Variants in MAGI1 observed in about 807,000 individuals in gnomAD.
The protein encoded by MAGI1 is membrane-associated guanylate kinase, WW and PDZ domain-containing protein 1.
In MAGI1, 58 loss-of-function variants were observed where a neutral mutation model predicts 139.9. The ratio of observed to expected loss-of-function variants is 0.41; its 90% CI spans 0.34 to 0.52. MAGI1 has a LOEUF of 0.52. MAGI1 is among the 20% of genes least tolerant of loss of function. The pLI is 0.12. For missense variants in MAGI1, 1,874 were observed against 1,901.6 expected (o/e 0.99, Z 0.27); for synonymous variants, 812 against 737.9 (o/e 1.10, Z -1.63).
chr3:65,933,061 T>C (rs771095185), intron 1 of MAGI1, among the ~76,000 whole-genome samples: 1 of 152,246 alleles, frequency 6.6e-6, no homozygotes, highest in African/African-American at 2.4e-5. Flanking sequence ...AGCTTACAGT[T>C]ATACTTGTTT....
At chr3:65,995,012 GC>G in intron 1 of MAGI1, among the ~76,000 whole-genome samples, 1 of 152,134 alleles carries the variant, frequency 6.6e-6, no homozygotes, top group East Asian at 1.9e-4. Context: ...GTGGTCAGGT[GC>G]TAAACCTGAG....
intron 1 of MAGI1, among the ~76,000 whole-genome samples, chr3:65,891,890 AT>A (rs2060771913): frequency 7.7e-4 from 1 of 1,304 alleles, no homozygotes. Flanking sequence ...AGTATAATAT[AT>A]ATATATATAT....
chr3:65,358,452 G>A (rs1203881482), intron 22 of MAGI1, among the ~76,000 whole-genome samples: 1 of 152,074 alleles, frequency 6.6e-6, no homozygotes, highest in African/African-American at 2.4e-5. Context: ...ACCTAGAGTG[G>A]GTTTTTAACA....
chr3:65,790,287 C>T (rs1346590050), intron 1 of MAGI1, among the ~76,000 whole-genome samples: 3 of 152,172 alleles, frequency 2.0e-5, no homozygotes, highest in Non-Finnish European at 4.4e-5. Flanking sequence ...ATTTGTTTGA[C>T]CTTCTGATCC....
chr3:65,530,707 ACACGTG>A (rs1219904354), intron 2 of MAGI1, among the ~76,000 whole-genome samples: 6 of 141,118 alleles, frequency 4.3e-5, no homozygotes, highest in Admixed American at 1.5e-4. Context: ...ATACACATAT[ACACGTG>A]TATATATATA....
At chr3:65,556,689 C>T (rs1049295966) in intron 2 of MAGI1, among the ~76,000 whole-genome samples, 1 of 152,230 alleles carries the variant, frequency 6.6e-6, no homozygotes, top group Non-Finnish European at 1.5e-5. Flanking sequence ...AGCTTTCAAG[C>T]TGGCTTTCCT....
At position 65,439,928 on chromosome 3, in the gene MAGI1, T is replaced by TTGCTGCTGCTGC; in HGVS notation, c.1209_1220dup (p.Gln418_Gln421dup). The TTGCTGCTGCTGC allele has an allele frequency of 1.2e-5, 19 of 1,604,496 alleles. No individual in the cohort carries two copies. Among genetic ancestry groups the TTGCTGCTGCTGC allele is most frequent in the South Asian group, 2.2e-5 (2 of 90,630 alleles). On this transcript the variant is annotated inframe_insertion, in exon 9 of 23. Coordinates refer to ENST00000402939, the MANE Select transcript of MAGI1 (RefSeq NM_001033057.2). ...GCTGCTGCTGCTGTTGCTGCTGCTG[T>TTGCTGCTGCTGC]TGCTGCTGCTGCTGCTGCTCAAGCT...
intron 1 of MAGI1, among the ~76,000 whole-genome samples, chr3:65,845,355 C>A (rs899233462): frequency 6.6e-6 from 1 of 152,026 alleles, no homozygotes; most frequent in African/African-American, 2.4e-5. Flanking sequence ...TGGAGTAACG[C>A]TGAACTTGCT....
chr3:65,630,346 A>C (rs1379246584), intron 1 of MAGI1, among the ~76,000 whole-genome samples: 3 of 152,120 alleles, frequency 2.0e-5, no homozygotes, highest in South Asian at 2.1e-4. Context: ...AGGTCTGCAA[A>C]GTGTTGGGGA....
chr3:65,468,892 T>A (rs1019555439), intron 5 of MAGI1, among the ~76,000 whole-genome samples: 1 of 151,200 alleles, frequency 6.6e-6, no homozygotes, highest in Non-Finnish European at 1.5e-5. Flanking sequence ...GCTATGATCA[T>A]GCTACTGCAC....
Position 65,430,013 on chromosome 3 carries a change from C to A in MAGI1, c.1674G>T (p.Leu558Phe). The A allele has an allele frequency of 6.2e-7, 1 of 1,613,906 alleles. No homozygotes were observed. Among genetic ancestry groups the A allele is most frequent in the East Asian group, 2.2e-5 (1 of 44,844 alleles). ...VDLELCRGYP[L>F]PFDPDDPNTS... ...TATTGGGGTCATCTGGATCAAAAGG[C>A]AATGGATAACCTCGGCAGAGTTCAA... is the stretch of plus-strand genomic sequence containing the variant. Residue 558 changes from leucine (L) to phenylalanine (F), a missense_variant, in exon 12 of 23, where the codon TTG becomes TTT. Physicochemically the swap from Leu to Phe is conservative, Grantham distance 22 (BLOSUM62 0). This residue lies in a region of MAGI1 where 86 missense variants were observed against 130.0 expected (regional missense o/e 0.66). Transcript: ENST00000402939.
At chr3:65,827,577 C>T (rs527602633) in intron 1 of MAGI1, among the ~76,000 whole-genome samples, 9 of 152,306 alleles carry the variant, frequency 5.9e-5, no homozygotes, top group South Asian at 2.1e-4. Flanking sequence ...GCTCCCTCCA[C>T]GCAGTCCAGG....
intron 2 of MAGI1, chr3:65,619,769 C>T: frequency 1.3e-6 from 1 of 767,974 alleles, no homozygotes; most frequent in Non-Finnish European, 1.6e-6. Context: ...TTCAAAGGCA[C>T]ACACGCTCCA....
chr3:65,454,251 AATC>A (rs1265872460), intron 5 of MAGI1, among the ~76,000 whole-genome samples: 2 of 152,138 alleles, frequency 1.3e-5, no homozygotes, highest in African/African-American at 4.8e-5. Context: ...ACAAATTGGA[AATC>A]ATCATTCTCA....
intron 12 of MAGI1, among the ~76,000 whole-genome samples, chr3:65,423,392 A>G (rs1254614141): frequency 6.6e-6 from 1 of 152,194 alleles, no homozygotes; most frequent in Non-Finnish European, 1.5e-5. Flanking sequence ...GCGCACACAC[A>G]CACACACAGA....
At chr3:65,548,584 G>C (rs1326412405) in intron 2 of MAGI1, among the ~76,000 whole-genome samples, 1 of 141,780 alleles carries the variant, frequency 7.1e-6, no homozygotes, top group Admixed American at 7.6e-5. Flanking sequence ...GTGCAGTGGC[G>C]CGATCTCAGC....
At chr3:65,548,930 G>C (rs2079661584) in intron 2 of MAGI1, among the ~76,000 whole-genome samples, 1 of 152,176 alleles carries the variant, frequency 6.6e-6, no homozygotes, top group Admixed American at 6.5e-5. Context: ...GGGAACGGGA[G>C]GCAGCAAGGG....
intron 18 of MAGI1, chr3:65,371,980 G>T: frequency 2.6e-6 from 1 of 379,502 alleles, no homozygotes; most frequent in Non-Finnish European, 5.2e-6. Context: ...ATCCATGAAG[G>T]TTGGAATCAA....
At chr3:65,915,191 G>A (rs573821998) in intron 1 of MAGI1, among the ~76,000 whole-genome samples, 2 of 152,256 alleles carry the variant, frequency 1.3e-5, no homozygotes, top group African/African-American at 4.8e-5. Flanking sequence ...AAGGATGCTG[G>A]TGCCATCTCA....
Sources: allele counts gnomAD v4.1 joint callset (sites outside exome capture counted in the v4.1 genomes callset), GRCh38; gene constraint gnomAD v4.1.1; regional missense constraint gnomAD v4.1.1; transcripts MANE v1.5; gene names NCBI Gene and HGNC (gene_info 2026-07-23, HGNC 2026-07-21).